UPF2: variants seen among roughly 807,000 people sequenced by gnomAD.
The protein encoded by UPF2 is UPF2 regulator of nonsense mediated mRNA decay.
In UPF2, 17 loss-of-function variants were observed where a neutral mutation model predicts 141.4. The ratio of observed to expected loss-of-function variants is 0.12; its 90% confidence interval spans 0.08 to 0.18. The LOEUF (loss-of-function observed/expected upper bound fraction) is 0.18. UPF2 is among the 10% of genes least tolerant of loss of function. The pLI is 1.00. For missense variants in UPF2, 1,152 were observed against 1,515.9 expected (o/e 0.76, Z 3.99); for synonymous variants, 540 against 498.0 (o/e 1.08, Z -1.12).
At chr10:11,972,802 G>C (rs2131216813) in intron 9 of UPF2, among the ~76,000 whole-genome samples, 1 of 152,280 alleles carries the variant, frequency 6.6e-6, no homozygotes, top group Admixed American at 6.5e-5. Context: ...ATTTGGGTTG[G>C]TTCCAAGTCT....
chr10:11,946,102 T>TGC (rs1313877302), intron 16 of UPF2, among the ~76,000 whole-genome samples: 1 of 152,212 alleles, frequency 6.6e-6, no homozygotes, highest in Non-Finnish European at 1.5e-5. Context: ...ATAACATAAA[T>TGC]ACTTAATGGT....
chr10:11,996,748 G>A (rs1480491805), intron 8 of UPF2, among the ~76,000 whole-genome samples: 1 of 152,020 alleles, frequency 6.6e-6, no homozygotes, highest in Non-Finnish European at 1.5e-5. Context: ...CCTCTCCCTT[G>A]CCCCACTAAA....
intron 9 of UPF2, among the ~76,000 whole-genome samples, chr10:11,973,067 A>G (rs967188741): frequency 1.3e-5 from 2 of 152,114 alleles, no homozygotes; most frequent in Non-Finnish European, 2.9e-5. Context: ...CTTTTTAATG[A>G]TCGCCATTCT....
intron 4 of UPF2, among the ~76,000 whole-genome samples, chr10:12,010,742 C>G (rs1275656150): frequency 1.3e-5 from 2 of 151,878 alleles, no homozygotes; most frequent in Non-Finnish European, 2.9e-5. Flanking sequence ...GTTCAAGGAA[C>G]CCGAAGTACA....
chr10:12,022,126 C>T (rs913409687), intron 3 of UPF2, among the ~76,000 whole-genome samples: 5 of 145,446 alleles, frequency 3.4e-5, no homozygotes, highest in South Asian at 2.2e-4. Flanking sequence ...GGTGACAGAG[C>T]GAGACTCCAG....
rs773925828 is a variant in UPF2 at position 11,921,064 on chromosome 10, G to T, written c.*234C>A. On this transcript the variant is annotated 3_prime_UTR_variant, in exon 22 of 22. Transcript: ENST00000357604. This position sits in a 1 kb window ranked among gnomAD's most constrained non-coding sequence, Gnocchi z 5.9. ...CATTCTCAAGAGAAGATTAACCCTC[G>T]CGAGATTTCCATTACAAAAGGCCTT... is the stretch of plus-strand genomic sequence containing the variant. 1.3e-6 allele frequency: 1 copy of T among 746,538 alleles called. No individual in the cohort carries two copies. The highest frequency in any genetic ancestry group is 2.5e-6 in the Non-Finnish European group (1 of 397,446). 46.2% of individuals were successfully genotyped at this position (746,538 alleles called of 1,614,324 possible).
chr10:11,992,023 G>A lies in UPF2; in HGVS notation c.1844+5649C>T, dbSNP rs1331898114. ...TAGCTGGGCGTGGTGGCGGGCGCCT[G>A]TAATCCCAGCTACTCAGGAGCCTGA... On this transcript the variant is annotated intron_variant, in intron 8 of 21. Transcript: ENST00000357604. The surrounding 1 kb of genome is among the most constrained non-coding windows in gnomAD (Gnocchi z 4.1). 1.3e-5 allele frequency among the ~76,000 whole-genome samples: 2 copies of A among 152,050 alleles called. No homozygotes were observed. The highest frequency in any genetic ancestry group is 2.9e-5 in the Non-Finnish European group (2 of 68,018).
At chr10:11,962,570 C>T (rs1046116279) in intron 11 of UPF2, among the ~76,000 whole-genome samples, 1 of 152,194 alleles carries the variant, frequency 6.6e-6, no homozygotes, top group African/African-American at 2.4e-5. Context: ...ATTGTTGTCC[C>T]CCTGGGTTTC....
chr10:11,964,967 T>C (rs905191459), intron 10 of UPF2, among the ~76,000 whole-genome samples: 1 of 152,226 alleles, frequency 6.6e-6, no homozygotes, highest in Non-Finnish European at 1.5e-5. Flanking sequence ...ATTTATACAG[T>C]ATATATTTTA....
At chr10:12,018,589 A>C (rs1263061519) in intron 3 of UPF2, among the ~76,000 whole-genome samples, 1 of 151,998 alleles carries the variant, frequency 6.6e-6, no homozygotes. Flanking sequence ...TCAAAAACAA[A>C]AAAAAAACAA....
chr10:11,940,093 G>A lies in UPF2; in HGVS notation c.3378+2572C>T, dbSNP rs181035878. Among the ~76,000 whole-genome samples, 14 of 152,258 alleles carry A rather than the reference G, an allele frequency of 9.2e-5. No homozygotes were observed. The highest frequency in any genetic ancestry group is 9.2e-4 in the Admixed American group (14 of 15,282). ...CATCAAAACAAAGAGACTCTGTACA[G>A]TTGTTCAGTATTTTGATAATGCTGA... On this transcript the variant is annotated intron_variant, in intron 18 of 21. Coordinates refer to ENST00000357604, the MANE Select transcript of UPF2 (RefSeq NM_015542.4). The surrounding 1 kb of genome is among the most constrained non-coding windows in gnomAD (Gnocchi z 4.2).
Position 11,931,617 on chromosome 10 carries a change from C to T in UPF2, c.3688+24G>A. 6.5e-7 allele frequency: 1 copy of T among 1,546,984 alleles called. No homozygotes were observed. The highest frequency in any genetic ancestry group is 8.7e-7 in the Non-Finnish European group (1 of 1,150,226). On this transcript the variant is annotated intron_variant, in intron 20 of 21. Transcript: ENST00000357604. The surrounding 1 kb of genome is among the most constrained non-coding windows in gnomAD (Gnocchi z 5.9). ...GCTCAAAAGGCAACAAAAATTTCCACTTCTCTTATAGATGATTTTATACCT... is the reference window on the plus strand; with the variant it reads ...GCTCAAAAGGCAACAAAAATTTCCATTTCTCTTATAGATGATTTTATACCT...
At position 11,961,571 on chromosome 10, in the gene UPF2, G is replaced by C. The variant is rs547500003; in HGVS notation, c.2185-2215C>G. On this transcript the variant is annotated intron_variant, in intron 11 of 21. Coordinates refer to ENST00000357604, the MANE Select transcript of UPF2 (RefSeq NM_015542.4). ...ACCAAGGTGAGAAGGCTGGGTTTAA[G>C]TGTGCAGAGGGAGATCACTGACAAG... Among the ~76,000 whole-genome samples the C allele has an allele frequency of 3.3e-5, 5 of 152,236 alleles. No individual in the cohort carries two copies. The South Asian group carries it at 8.3e-4, about 25-fold the overall frequency.
intron 11 of UPF2, among the ~76,000 whole-genome samples, chr10:11,961,525 G>A (rs759073600): frequency 2.6e-5 from 4 of 151,886 alleles, no homozygotes; most frequent in East Asian, 1.9e-4. Flanking sequence ...GGGAGGGGCC[G>A]GGTAATAGAG....
intron 4 of UPF2, among the ~76,000 whole-genome samples, chr10:12,013,120 G>A: frequency 6.9e-6 from 1 of 145,684 alleles, no homozygotes. Context: ...GCAAGACTCT[G>A]TCTCAAAAAA....
At chr10:11,957,651 G>A (rs1045866856) in intron 12 of UPF2, among the ~76,000 whole-genome samples, 1 of 151,826 alleles carries the variant, frequency 6.6e-6, no homozygotes, top group Non-Finnish European at 1.5e-5. Flanking sequence ...CAAGTAGCTG[G>A]GATTACAGGC....
chr10:12,040,294 C>T (rs958011620), intron 1 of UPF2, among the ~76,000 whole-genome samples: 2 of 152,044 alleles, frequency 1.3e-5, no homozygotes, highest in Non-Finnish European at 2.9e-5. Flanking sequence ...TGGCAGCACA[C>T]GCCTGTAGTC....
intron 8 of UPF2, among the ~76,000 whole-genome samples, chr10:11,994,868 T>A (rs1041412268): frequency 1.4e-5 from 2 of 146,792 alleles, no homozygotes; most frequent in African/African-American, 5.1e-5. Context: ...CCCAGCTACT[T>A]GGGAGGCTGA....
At chr10:11,972,063 C>CAAAAAA (rs58355538) in intron 9 of UPF2, among the ~76,000 whole-genome samples, 2 of 101,006 alleles carry the variant, frequency 2.0e-5, no homozygotes, top group African/African-American at 3.6e-5. Flanking sequence ...GACTCTGTCT[C>CAAAAAA]AAAAAAAAAA....
Sources: gnomAD v4.1 joint callset for allele counts (sites outside exome capture counted in the v4.1 genomes callset) on GRCh38, gnomAD v4.1.1 for gene constraint, Gnocchi (gnomAD v3.1) non-coding constraint, MANE v1.5 for transcripts, NCBI Gene and HGNC (gene_info 2026-07-23, HGNC 2026-07-21) for gene names.